The following LMO7 variants were observed in gnomAD, a reference collection of about 807,000 sequenced individuals.
The protein encoded by LMO7 is LIM domain only protein 7.
In LMO7, 120 loss-of-function variants were observed where a neutral mutation model predicts 206.5. That is an observed-to-expected ratio of 0.58 (90% CI 0.50 to 0.68). The LOEUF (loss-of-function observed/expected upper bound fraction) is 0.68, where lower values mean the gene tolerates loss of function less well. LMO7 is among the 30% of genes least tolerant of loss of function. LMO7 has a pLI of 0.00. For missense variants in LMO7, 1,959 were observed against 1,957.9 expected (o/e 1.00, Z -0.01); for synonymous variants, 706 against 681.5 (o/e 1.04, Z -0.56).
chr13:75,812,240 C>T (rs2056482286), intron 11 of LMO7, among the ~76,000 whole-genome samples: 1 of 152,168 alleles, frequency 6.6e-6, no homozygotes, highest in African/African-American at 2.4e-5. Context: ...TACTGAGGAA[C>T]CCTCATTGAG....
At chr13:75,656,237 C>T (rs2038053720) in intron 1 of LMO7, among the ~76,000 whole-genome samples, 1 of 152,152 alleles carries the variant, frequency 6.6e-6, no homozygotes, top group East Asian at 1.9e-4. Context: ...CTTGCCCACT[C>T]TCTGGGGGCC....
chr13:75,687,798 T>C (rs887923482), intron 1 of LMO7, among the ~76,000 whole-genome samples: 6 of 152,190 alleles, frequency 3.9e-5, no homozygotes, highest in African/African-American at 1.4e-4. Context: ...GATTAATCCA[T>C]TATGAACAGC....
chr13:75,737,861 A>AAAC (rs1340764481), intron 3 of LMO7, among the ~76,000 whole-genome samples: 15 of 147,328 alleles, frequency 1.0e-4, no homozygotes, highest in African/African-American at 3.5e-4. Context: ...AAAAAAAAAA[A>AAAC]AAACACAGTA....
At chr13:75,650,430 T>C (rs1049320370) in intron 1 of LMO7, among the ~76,000 whole-genome samples, 1 of 151,032 alleles carries the variant, frequency 6.6e-6, no homozygotes, top group Admixed American at 6.6e-5. Context: ...ACCTGGCCCG[T>C]TTTTTTTTCT....
chr13:75,752,413 A>C (rs1417222654), intron 3 of LMO7, among the ~76,000 whole-genome samples: 1 of 152,162 alleles, frequency 6.6e-6, no homozygotes, highest in Non-Finnish European at 1.5e-5. Flanking sequence ...GATTACAGGC[A>C]TGAGCCACTG....
Position 75,857,963 on chromosome 13 carries a change from G to T in LMO7, c.*20G>T. ...ATGTGATGTAAGCCTCCATACGAAA[G>T]CACTGTTGCAGATAGAAGAAGAGGT... On this transcript the variant is annotated 3_prime_UTR_variant, in exon 31 of 31. Transcript: ENST00000377534. The T allele has an allele frequency of 1.9e-6, 3 of 1,609,670 alleles. No individual in the cohort carries two copies. Among genetic ancestry groups the T allele is most frequent in the Non-Finnish European group, 2.5e-6 (3 of 1,177,778 alleles).
intron 2 of LMO7, among the ~76,000 whole-genome samples, chr13:75,725,356 G>T (rs1030388401): frequency 6.6e-6 from 1 of 152,038 alleles, no homozygotes; most frequent in East Asian, 1.9e-4. Context: ...GTCATTTAAA[G>T]ATCAAATTTC....
At chr13:75,665,729 G>T (rs1391728140) in intron 1 of LMO7, among the ~76,000 whole-genome samples, 2 of 152,168 alleles carry the variant, frequency 1.3e-5, no homozygotes, top group Non-Finnish European at 2.9e-5. Context: ...GTTTCACCAT[G>T]TTGGCCAGGC....
intron 26 of LMO7, 139 bp downstream of exon 26, chr13:75,845,518 A>G: frequency 1.8e-6 from 1 of 544,742 alleles, no homozygotes; most frequent in Non-Finnish European, 3.3e-6. Context: ...TAACCTCTGT[A>G]TATAAAAACA....
chr13:75,731,418 T>C (rs1258099312), intron 3 of LMO7, among the ~76,000 whole-genome samples: 1 of 152,252 alleles, frequency 6.6e-6, no homozygotes, highest in Non-Finnish European at 1.5e-5. Context: ...TGTGTTGGTT[T>C]AAAGTCTGTT....
chr13:75,669,911 T>C (rs2039401897), intron 1 of LMO7, among the ~76,000 whole-genome samples: 1 of 152,200 alleles, frequency 6.6e-6, no homozygotes, highest in South Asian at 2.1e-4. Context: ...TGGTGGAAAC[T>C]GTGGTCCCAG....
At chr13:75,762,576 C>A (rs2048341006) in intron 4 of LMO7, among the ~76,000 whole-genome samples, 1 of 152,122 alleles carries the variant, frequency 6.6e-6, no homozygotes, top group Non-Finnish European at 1.5e-5. Flanking sequence ...TGCCTGGAGC[C>A]TGTTTCATGA....
intron 1 of LMO7, among the ~76,000 whole-genome samples, chr13:75,689,926 C>T (rs977254358): frequency 9.9e-5 from 15 of 152,122 alleles, no homozygotes; most frequent in Non-Finnish European, 4.4e-5. Flanking sequence ...CTTATTAAAC[C>T]ATATATACAT....
At chr13:75,712,784 A>G (rs1242386567) in intron 1 of LMO7, among the ~76,000 whole-genome samples, 3 of 152,220 alleles carry the variant, frequency 2.0e-5, no homozygotes, top group East Asian at 1.9e-4. Flanking sequence ...ATGATAGTGT[A>G]TTCAGTGTCG....
At chr13:75,665,080 A>G (rs1344494065) in intron 1 of LMO7, among the ~76,000 whole-genome samples, 2 of 152,154 alleles carry the variant, frequency 1.3e-5, no homozygotes, top group African/African-American at 4.8e-5. Flanking sequence ...ATAGAATAAA[A>G]TGTTTTTAGT....
At chr13:75,709,638 T>A (rs1350456381) in intron 1 of LMO7, among the ~76,000 whole-genome samples, 1 of 152,248 alleles carries the variant, frequency 6.6e-6, no homozygotes, top group Non-Finnish European at 1.5e-5. Context: ...CACTTTTTGA[T>A]GGGGCTGTTT....
At chr13:75,627,970 CA>C (rs1427108600) in intron 2 of LMO7, 3 of 149,958 alleles carry the variant, frequency 2.0e-5, no homozygotes, top group Non-Finnish European at 3.0e-5. Flanking sequence ...AAAAAAAACA[CA>C]AAAACCTCAA....
rs1049652977 is a variant in LMO7 at position 75,859,756 on chromosome 13, T to A, written c.*1813T>A. ...TAAGCAGCACGTGGGCTTGTTCATC[T>A]CACTGCATGTTTATGAAGATACAGT... On this transcript the variant is annotated 3_prime_UTR_variant, in exon 31 of 31. Coordinates refer to ENST00000377534, the MANE Select transcript of LMO7 (RefSeq NM_001306080.2). 6.6e-6 allele frequency: 1 copy of A among 152,318 alleles called. No individual in the cohort carries two copies. The highest frequency in any genetic ancestry group is 2.4e-5 in the African/African-American group (1 of 41,564). The allele number at this position is 152,318 out of a possible 1,614,324, so 9.4% of individuals were successfully genotyped here.
intron 1 of LMO7, among the ~76,000 whole-genome samples, chr13:75,665,163 T>A (rs896661893): frequency 3.3e-5 from 5 of 152,154 alleles, no homozygotes; most frequent in African/African-American, 1.2e-4. Flanking sequence ...GATGTTACCC[T>A]TGGGTAGAAT....
Sources: allele counts gnomAD v4.1 joint callset (sites outside exome capture counted in the v4.1 genomes callset), GRCh38; gene constraint gnomAD v4.1.1; transcripts MANE v1.5; gene names NCBI Gene and HGNC (gene_info 2026-07-23, HGNC 2026-07-21).